Variants in SYN2 observed in about 807,000 individuals in gnomAD.
The protein encoded by SYN2 is synapsin-2.
In SYN2, 19 loss-of-function variants were observed where a neutral mutation model predicts 50.9. The observed-to-expected ratio is 0.37, with a 90% CI of 0.26 to 0.55. The LOEUF is 0.55. SYN2 is among the 20% of genes least tolerant of loss of function. The probability of loss-of-function intolerance (pLI) is 0.81; values close to 1 mark genes in which losing one functional copy is unlikely to be tolerated. For missense variants in SYN2, 587 were observed against 576.4 expected (o/e 1.02, Z -0.19); for synonymous variants, 255 against 224.9 (o/e 1.13, Z -1.20).
chr3:12,139,799 A>G (rs1177295580), intron 1 of SYN2, among the ~76,000 whole-genome samples: 1 of 152,242 alleles, frequency 6.6e-6, no homozygotes, highest in Admixed American at 6.5e-5. Context: ...CTTTTGACAA[A>G]TGGAGAACCA....
chr3:12,056,980 G>A (rs149387218), intron 1 of SYN2, among the ~76,000 whole-genome samples: 174 of 152,226 alleles, frequency 1.1e-3, no homozygotes, highest in Middle Eastern at 3.4e-3. Context: ...ATAATTCTAA[G>A]ACAAGATATG....
At chr3:12,115,809 T>C (rs1696420551) in intron 1 of SYN2, among the ~76,000 whole-genome samples, 1 of 152,192 alleles carries the variant, frequency 6.6e-6, no homozygotes, top group Non-Finnish European at 1.5e-5. Flanking sequence ...ATGTAGCATA[T>C]AGTAGGCATT....
intron 1 of SYN2, among the ~76,000 whole-genome samples, chr3:12,121,117 GCCTGGCTA>G (rs1341617681): frequency 1.3e-5 from 2 of 151,996 alleles, no homozygotes; most frequent in African/African-American, 4.8e-5. Flanking sequence ...CTTCACTTTT[GCCTGGCTA>G]GCTCCTACTT....
intron 4 of SYN2, among the ~76,000 whole-genome samples, chr3:12,150,606 T>TA (rs1261561261): frequency 6.6e-6 from 1 of 152,226 alleles, no homozygotes; most frequent in Non-Finnish European, 1.5e-5. Flanking sequence ...TTCTCATATG[T>TA]AGGCAAAGGG....
chr3:12,024,527 G>A (rs1694211983), intron 1 of SYN2, among the ~76,000 whole-genome samples: 1 of 152,066 alleles, frequency 6.6e-6, no homozygotes, highest in Admixed American at 6.6e-5. Flanking sequence ...TTATATAAAC[G>A]AAATCCTACA....
At chr3:12,056,735 C>T (rs2125159165) in intron 1 of SYN2, among the ~76,000 whole-genome samples, 1 of 152,198 alleles carries the variant, frequency 6.6e-6, no homozygotes. Flanking sequence ...GATTCCAAAG[C>T]AGACTTTCTA....
chr3:12,187,284 T>C (rs1698360279), intron 11 of SYN2, 85 bp from the exon 12 acceptor site: 4 of 1,444,716 alleles, frequency 2.8e-6, no homozygotes, highest in Non-Finnish European at 3.7e-6. Context: ...GGTAATTAAC[T>C]AACCACACCC....
chr3:12,167,441 A>C, intron 8 of SYN2, 133 bp downstream of exon 8: 1 of 837,064 alleles, frequency 1.2e-6, no homozygotes, highest in Non-Finnish European at 1.9e-6. Context: ...AAAAGGCCCA[A>C]GTAGCCCATT....
intron 1 of SYN2, among the ~76,000 whole-genome samples, chr3:12,138,024 C>A (rs544300498): frequency 6.6e-6 from 1 of 152,292 alleles, no homozygotes; most frequent in South Asian, 2.1e-4. Flanking sequence ...ATTCCAGAGC[C>A]CATCCTCTGG....
At chr3:12,178,323 C>G (rs974596510) in intron 10 of SYN2, among the ~76,000 whole-genome samples, 5 of 152,186 alleles carry the variant, frequency 3.3e-5, no homozygotes, top group African/African-American at 1.2e-4. Context: ...CAACAGCTCA[C>G]AAGTGTTGAG....
chr3:12,098,336 T>C (rs1184918913), intron 1 of SYN2, among the ~76,000 whole-genome samples: 1 of 152,046 alleles, frequency 6.6e-6, no homozygotes, highest in Non-Finnish European at 1.5e-5. Context: ...TACAAAAAAA[T>C]GAGAGATTGT....
chr3:12,153,724 G>A, intron 5 of SYN2: 3 of 1,614,100 alleles, frequency 1.9e-6, no homozygotes, highest in Non-Finnish European at 2.5e-6. Context: ...TAGAGTCATG[G>A]CCACACAACA....
Position 12,149,660 on chromosome 3 carries a change from C to G in SYN2, c.685-1577C>G, listed in dbSNP as rs1697231706. Reference sequence around the variant, plus strand: ...ATAAAGTCCCTTTTGACAATGGTATCTTAGGGGCTTGAGGGTCCATGAATC... The same window carrying G: ...ATAAAGTCCCTTTTGACAATGGTATGTTAGGGGCTTGAGGGTCCATGAATC... On this transcript the variant is annotated intron_variant, in intron 4 of 12. Transcript: ENST00000621198. Among the ~76,000 whole-genome samples the G allele has an allele frequency of 3.3e-5, 5 of 152,126 alleles. No homozygotes were observed. In the South Asian group the frequency reaches 1.0e-3, roughly 32 times the overall value.
intron 1 of SYN2, among the ~76,000 whole-genome samples, chr3:12,115,507 G>A (rs1487095129): frequency 2.6e-5 from 4 of 152,138 alleles, no homozygotes; most frequent in Admixed American, 2.6e-4. Context: ...GTGAATTTTT[G>A]TGCCATATAT....
chr3:12,143,949 C>T (rs1197509440), intron 3 of SYN2, among the ~76,000 whole-genome samples: 1 of 152,228 alleles, frequency 6.6e-6, no homozygotes. Context: ...AAGGCTCCTT[C>T]AACCCTCACT....
At chr3:12,067,010 C>G (rs772356681) in intron 1 of SYN2, among the ~76,000 whole-genome samples, 6 of 152,208 alleles carry the variant, frequency 3.9e-5, no homozygotes, top group East Asian at 1.9e-4. Context: ...CTTATATAAA[C>G]TATCAGATCT....
chr3:12,097,965 G>T (rs141162081), intron 1 of SYN2, among the ~76,000 whole-genome samples: 43 of 151,984 alleles, frequency 2.8e-4, no homozygotes, highest in African/African-American at 1.0e-3. Context: ...GTAACAAACC[G>T]GCATGTTGTG....
chr3:12,153,335 G>A, intron 5 of SYN2: 1 of 676,816 alleles, frequency 1.5e-6, no homozygotes, highest in Admixed American at 2.4e-5. Flanking sequence ...GCAACAGGCT[G>A]AGGGCAGGGC....
At position 12,145,681 on chromosome 3, in the gene SYN2, C is replaced by A. The variant is rs781727495; in HGVS notation, c.530C>A (p.Ser177Tyr). 1.9e-6 allele frequency: 3 copies of A among 1,613,844 alleles called. No homozygotes were observed. Among genetic ancestry groups the A allele is most frequent in the South Asian group, 2.2e-5 (2 of 91,074 alleles). ...ACCTGCCTCTACCTTCTCACCAGGTCCTTCCGGCCAGACTTCGTGCTCATC... is the reference window on the plus strand; with the variant it reads ...ACCTGCCTCTACCTTCTCACCAGGTACTTCCGGCCAGACTTCGTGCTCATC... ...VLRNGTKVVR[S>Y]FRPDFVLIRQ... is the part of the protein sequence containing the mutation. Residue 177 changes from serine to tyrosine, a missense_variant and splice_region_variant, in exon 4 of 13, where the codon TCC (serine) becomes TAC (tyrosine). By Grantham distance (144) the Ser-to-Tyr change is moderately radical. Coordinates refer to ENST00000621198, the MANE Select transcript of SYN2 (RefSeq NM_133625.6).
Sources: allele counts gnomAD v4.1 joint callset (sites outside exome capture counted in the v4.1 genomes callset), GRCh38; gene constraint gnomAD v4.1.1; transcripts MANE v1.5; gene names NCBI Gene and HGNC (gene_info 2026-07-23, HGNC 2026-07-21).